Variants in ASB3 observed in about 807,000 individuals in gnomAD.
ASB3 encodes ankyrin repeat and SOCS box containing 3.
Under a neutral mutation model 54.5 loss-of-function variants are expected in ASB3, and 41 were observed. The ratio of observed to expected loss-of-function variants is 0.75; its 90% CI spans 0.59 to 0.98. The LOEUF (loss-of-function observed/expected upper bound fraction) is 0.98. Ranked by LOEUF, ASB3 falls within the 50% of genes least tolerant of loss-of-function variation. The pLI is 0.00. For missense variants in ASB3, 733 were observed against 620.0 expected (o/e 1.18, Z -1.94); for synonymous variants, 266 against 221.2 (o/e 1.20, Z -1.80).
intron 1 of ASB3, among the ~76,000 whole-genome samples, chr2:53,782,379 G>A (rs1362307875): frequency 6.6e-6 from 1 of 152,110 alleles, no homozygotes; most frequent in East Asian, 1.9e-4. Flanking sequence ...ATGCATACAT[G>A]AGAAGGCTAT....
chr2:53,684,462 G>A (rs1054262997), intron 9 of ASB3, among the ~76,000 whole-genome samples: 7 of 152,102 alleles, frequency 4.6e-5, no homozygotes, highest in East Asian at 1.9e-4. Flanking sequence ...CGATTTAGAC[G>A]AACAGTTTTA....
At chr2:53,681,104 T>G (rs1668346632) in intron 9 of ASB3, among the ~76,000 whole-genome samples, 1 of 152,234 alleles carries the variant, frequency 6.6e-6, no homozygotes, top group African/African-American at 2.4e-5. Flanking sequence ...TGTGTATATG[T>G]ATCACAGTTT....
chr2:53,767,737 G>T, intron 1 of ASB3: 1 of 867,624 alleles, frequency 1.2e-6, no homozygotes, highest in South Asian at 1.8e-5. Context: ...AAATCTTTCT[G>T]GATCTAAACT....
intron 2 of ASB3, among the ~76,000 whole-genome samples, chr2:53,760,717 C>G (rs1161877166): frequency 6.6e-6 from 1 of 152,168 alleles, no homozygotes; most frequent in Non-Finnish European, 1.5e-5. Flanking sequence ...ATTTACTAGA[C>G]CAGGCCTTTT....
chr2:53,776,064 G>C (rs957816691), intron 1 of ASB3, among the ~76,000 whole-genome samples: 1 of 152,056 alleles, frequency 6.6e-6, no homozygotes. Context: ...TTCACCATAA[G>C]AACTTCAGTA....
At chr2:53,774,697 A>C in intron 1 of ASB3, 1 of 508,524 alleles carries the variant, frequency 2.0e-6, no homozygotes, top group Non-Finnish European at 3.3e-6. Flanking sequence ...AGAAAAATTC[A>C]AATTTTAATA....
chr2:53,738,377 T>C (rs180945963), intron 3 of ASB3, among the ~76,000 whole-genome samples: 2 of 152,354 alleles, frequency 1.3e-5, no homozygotes, highest in Non-Finnish European at 2.9e-5. Context: ...TGTTGCTCTC[T>C]AGAACTGTTC....
At chr2:53,690,072 C>CA (rs1353754799) in intron 9 of ASB3, among the ~76,000 whole-genome samples, 1 of 151,348 alleles carries the variant, frequency 6.6e-6, no homozygotes, top group Non-Finnish European at 1.5e-5. Flanking sequence ...CCTGTCTCAA[C>CA]AAAAAATACA....
In ASB3 at chr2:53,728,817, TAAG is replaced by T; in HGVS notation, c.496_498del (p.Leu166del). 2 of 1,611,570 alleles carry T rather than the reference TAAG, an allele frequency of 1.2e-6. No homozygotes were observed. The highest frequency in any genetic ancestry group is 1.7e-6 in the Non-Finnish European group (2 of 1,178,716). ...TGGCATTCCTTGTTTGCTCCTTTTC[TAAG>T]AAGCAATTTTATGATCTCAGCATTT... is the stretch of plus-strand genomic sequence containing the variant. On this transcript the variant is annotated inframe_deletion, in exon 5 of 10. Transcript: ENST00000263634.
chr2:53,776,300 G>C (rs1171925311), intron 1 of ASB3, among the ~76,000 whole-genome samples: 1 of 151,990 alleles, frequency 6.6e-6, no homozygotes, highest in Non-Finnish European at 1.5e-5. Context: ...AAACAGAAAG[G>C]GTGATAAATT....
intron 5 of ASB3, among the ~76,000 whole-genome samples, chr2:53,727,847 T>C (rs1671093014): frequency 6.6e-6 from 1 of 152,108 alleles, no homozygotes; most frequent in South Asian, 2.1e-4. Flanking sequence ...TGTCTCAGCT[T>C]CCCTAGTAGT....
At chr2:53,724,838 A>T (rs1374999643) in intron 5 of ASB3, among the ~76,000 whole-genome samples, 1 of 152,192 alleles carries the variant, frequency 6.6e-6, no homozygotes. Context: ...TCTTGGTGGG[A>T]ATGTAAATTA....
intron 2 of ASB3, among the ~76,000 whole-genome samples, chr2:53,759,639 G>A (rs1201237323): frequency 6.6e-6 from 1 of 152,182 alleles, no homozygotes; most frequent in Non-Finnish European, 1.5e-5. Flanking sequence ...TGAAGGCTCT[G>A]GAACAGGGAA....
At position 53,761,346 on chromosome 2, in the gene ASB3, C is replaced by G. The variant is rs372411005; in HGVS notation, c.196+4031G>C. Among the ~76,000 whole-genome samples the G allele has an allele frequency of 1.8e-4, 27 of 152,206 alleles. 1 individual carries two copies. In the South Asian group the frequency reaches 5.4e-3, roughly 30 times the overall value. ...TGATCAGGATATAAACTCAGGCATTCGAGCAGGGAGCAGCAACCCCCTTTG... is the reference window on the plus strand; with the variant it reads ...TGATCAGGATATAAACTCAGGCATTGGAGCAGGGAGCAGCAACCCCCTTTG... On this transcript the variant is annotated intron_variant, in intron 2 of 9. Coordinates refer to ENST00000263634, the MANE Select transcript of ASB3 (RefSeq NM_016115.5).
At chr2:53,781,632 A>C (rs1674655709) in intron 1 of ASB3, among the ~76,000 whole-genome samples, 1 of 152,062 alleles carries the variant, frequency 6.6e-6, no homozygotes, top group Non-Finnish European at 1.5e-5. Context: ...AGTAGCTGAG[A>C]TTACAGGCAT....
At chr2:53,721,005 G>C (rs1433587436) in intron 5 of ASB3, among the ~76,000 whole-genome samples, 1 of 151,782 alleles carries the variant, frequency 6.6e-6, no homozygotes, top group African/African-American at 2.4e-5. Context: ...TGTAATCCCA[G>C]GTACTCAGGA....
At chr2:53,716,187 C>A (rs1670378037) in intron 6 of ASB3, among the ~76,000 whole-genome samples, 1 of 152,144 alleles carries the variant, frequency 6.6e-6, no homozygotes, top group Admixed American at 6.5e-5. Context: ...ATCACAAACT[C>A]AAAAGCTTTC....
chr2:53,785,039 T>TAA (rs1674861498), intron 1 of ASB3, among the ~76,000 whole-genome samples: 10 of 152,234 alleles, frequency 6.6e-5, no homozygotes, highest in Non-Finnish European at 1.5e-4. Context: ...CACACTGGCC[T>TAA]TCTTTCTATC....
At chr2:53,694,101 C>A (rs1558520690) in intron 8 of ASB3, 87 bp from the exon 9 acceptor site, 3 of 1,477,262 alleles carry the variant, frequency 2.0e-6, no homozygotes, top group African/African-American at 2.8e-5. Flanking sequence ...CCTATTCTTA[C>A]AAAATCTCAA....
Sources: gnomAD v4.1 joint callset for allele counts (sites outside exome capture counted in the v4.1 genomes callset) on GRCh38, gnomAD v4.1.1 for gene constraint, MANE v1.5 for transcripts, NCBI Gene and HGNC (gene_info 2026-07-23, HGNC 2026-07-21) for gene names.